The following KRIT1 variants were observed in gnomAD, a reference collection of about 807,000 sequenced individuals.
KRIT1 encodes the protein krev interaction trapped protein 1.
Under a neutral mutation model 95.8 loss-of-function variants are expected in KRIT1, and 45 were observed. The ratio of observed to expected loss-of-function variants is 0.47; its 90% CI spans 0.37 to 0.60. The LOEUF (loss-of-function observed/expected upper bound fraction) is 0.60, where lower values mean the gene tolerates loss of function less well. Ranked by LOEUF, KRIT1 falls within the 20% of genes least tolerant of loss-of-function variation. The pLI is 0.00. For missense variants in KRIT1, 788 were observed against 877.5 expected (o/e 0.90, Z 1.29); for synonymous variants, 282 against 278.8 (o/e 1.01, Z -0.11).
chr7:92,226,808 A>G, intron 10 of KRIT1, 126 bp from the exon 11 acceptor site: 1 of 802,954 alleles, frequency 1.2e-6, no homozygotes, highest in Non-Finnish European at 2.0e-6. Context: ...ATTTTCTAGG[A>G]CAGAGAGCAA....
intron 17 of KRIT1, among the ~76,000 whole-genome samples, chr7:92,208,046 CA>C (rs1183059326): frequency 4.0e-5 from 6 of 151,892 alleles, no homozygotes; most frequent in African/African-American, 1.5e-4. Flanking sequence ...AAATCAGTAA[CA>C]AAAGAAATTT....
intron 4 of KRIT1, 30 bp from the exon 5 acceptor site, chr7:92,241,182 T>C (rs1453218045): frequency 1.3e-6 from 2 of 1,536,446 alleles, no homozygotes. Context: ...AAGAGAAAGC[T>C]TAAAATAAAG....
chr7:92,232,883 C>T (rs913562024), intron 10 of KRIT1, among the ~76,000 whole-genome samples: 1 of 152,056 alleles, frequency 6.6e-6, no homozygotes, highest in African/African-American at 2.4e-5. Flanking sequence ...TTAATAGAGA[C>T]GGGATTTCAT....
At position 92,237,727 on chromosome 7, in the gene KRIT1, G is replaced by A. The variant is rs1258679868; in HGVS notation, c.295C>T (p.Leu99=). The A allele has an allele frequency of 1.9e-6, 3 of 1,607,598 alleles. No homozygotes were observed. The highest frequency in any genetic ancestry group is 2.6e-6 in the Non-Finnish European group (3 of 1,174,538). ...KRVVLMKKFP[L]DGEKMGREAS... is the part of the protein sequence containing the mutation. ...TCTCTGCCCATCTTCTCTCCATCCAGAGGAAATTTTTTCATTAGTACAACT... is the reference window on the plus strand; with the variant it reads ...TCTCTGCCCATCTTCTCTCCATCCAAAGGAAATTTTTTCATTAGTACAACT... Residue 99 remains leucine (L), a synonymous_variant, in exon 6 of 19, where the codon CTG becomes TTG. Coordinates refer to ENST00000394505, the MANE Select transcript of KRIT1 (RefSeq NM_194454.3).
In KRIT1 at chr7:92,235,656, TAAAA is replaced by T. The variant is rs751635299; in HGVS notation, c.486-14_486-11del. 6.2e-7 allele frequency: 1 copy of T among 1,613,214 alleles called. No homozygotes were observed. Among genetic ancestry groups the T allele is most frequent in the Non-Finnish European group, 8.5e-7 (1 of 1,179,676 alleles). On this transcript the variant is annotated splice_polypyrimidine_tract_variant and intron_variant, in intron 7 of 18. Coordinates refer to ENST00000394505, the MANE Select transcript of KRIT1 (RefSeq NM_194454.3). The stretch of plus-strand genomic sequence containing the variant: ...ACGTTCATCTAACCACCTGGCAAAA[TAAAA>T]AAACAGGTAGAAGTAGCCATTCGAA...
At chr7:92,223,183 A>G (rs1367993006) in intron 12 of KRIT1, among the ~76,000 whole-genome samples, 1 of 150,950 alleles carries the variant, frequency 6.6e-6, no homozygotes, top group Non-Finnish European at 1.5e-5. Flanking sequence ...TAATCCCAAC[A>G]CTTTGGGAGG....
intron 1 of KRIT1, 81 bp from the exon 2 acceptor site, chr7:92,245,252 C>T (rs1800639360): frequency 6.6e-6 from 1 of 152,148 alleles, no homozygotes; most frequent in South Asian, 2.1e-4. Flanking sequence ...CTGTGAATCC[C>T]TTTCCCTGCA....
At chr7:92,229,475 G>T (rs1796855447) in intron 10 of KRIT1, among the ~76,000 whole-genome samples, 1 of 151,876 alleles carries the variant, frequency 6.6e-6, no homozygotes, top group South Asian at 2.1e-4. Flanking sequence ...TTAAAAAGTG[G>T]GTAAAATACA....
intron 14 of KRIT1, among the ~76,000 whole-genome samples, 180 bp from the exon 15 acceptor site, chr7:92,214,957 G>A (rs1470483096): frequency 3.3e-5 from 5 of 152,154 alleles, no homozygotes; most frequent in Admixed American, 2.6e-4. Context: ...AGTTTTGTAA[G>A]CTATATAATC....
intron 14 of KRIT1, among the ~76,000 whole-genome samples, chr7:92,218,599 CA>C (rs997270790): frequency 6.6e-6 from 1 of 151,998 alleles, no homozygotes; most frequent in African/African-American, 2.4e-5. Context: ...AGGCATGTCT[CA>C]AATTCCTGGG....
chr7:92,216,942 T>C (rs564646779), intron 14 of KRIT1, among the ~76,000 whole-genome samples: 19 of 152,194 alleles, frequency 1.2e-4, no homozygotes, highest in Non-Finnish European at 7.4e-5. Context: ...CCTAAAAGGA[T>C]GATGCTAAAC....
In KRIT1 at chr7:92,243,780, T is replaced by A. The variant is rs977031331; in HGVS notation, c.-3+222A>T. ...GTACAAAAATTTTAAATAAAATAATTTAAATACTTTTCAAATTTATTTTAA... is the reference window on the plus strand; with the variant it reads ...GTACAAAAATTTTAAATAAAATAATATAAATACTTTTCAAATTTATTTTAA... On this transcript the variant is annotated intron_variant, in intron 3 of 18. Transcript: ENST00000394505. 3.4e-4 allele frequency among the ~76,000 whole-genome samples: 52 copies of A among 152,142 alleles called. 1 individual carries two copies. Among genetic ancestry groups the A allele is most frequent in the African/African-American group, 1.2e-3 (51 of 41,540 alleles).
intron 10 of KRIT1, among the ~76,000 whole-genome samples, chr7:92,229,535 G>GA (rs1180369869): frequency 6.6e-6 from 1 of 152,016 alleles, no homozygotes; most frequent in Admixed American, 6.6e-5. Flanking sequence ...AGAGACATAT[G>GA]AAAAAAAGCT....
At chr7:92,232,342 G>A (rs1034575) in intron 10 of KRIT1, among the ~76,000 whole-genome samples, 17,348 of 151,970 alleles carry the variant, frequency 0.11, 1,136 homozygotes, top group East Asian at 0.36. Context: ...AGCCCATCTC[G>A]TATAGATAAA....
chr7:92,243,940 T>C lies in KRIT1; in HGVS notation c.-3+62A>G, dbSNP rs1000513814. 1.6e-4 allele frequency: 25 copies of C among 152,272 alleles called. No homozygotes were observed. In the East Asian group the frequency reaches 2.9e-3, roughly 18 times the overall value. 9.4% of individuals were successfully genotyped at this position (152,272 alleles called of 1,614,324 possible). A position where few individuals can be genotyped will look rare whatever the true frequency, so the allele number is the denominator to read the frequency against. On this transcript the variant is annotated intron_variant, in intron 3 of 18. Coordinates refer to ENST00000394505, the MANE Select transcript of KRIT1 (RefSeq NM_194454.3). ...TGAGGACGTTATCATTCTTTATCAT[T>C]ATATACTTCATGAAATTTTTTTCAG...
chr7:92,232,147 C>G (rs1022773922), intron 10 of KRIT1, among the ~76,000 whole-genome samples: 1 of 152,134 alleles, frequency 6.6e-6, no homozygotes, highest in Non-Finnish European at 1.5e-5. Flanking sequence ...AGGCTGGTCT[C>G]AAACTCCTGA....
intron 17 of KRIT1, chr7:92,206,180 G>C (rs922997275): frequency 6.5e-6 from 1 of 152,878 alleles, no homozygotes; most frequent in Non-Finnish European, 1.5e-5. Flanking sequence ...CTAGCACGCT[G>C]CTGCCATTGC....
At chr7:92,233,773 T>TA (rs755297252) in intron 10 of KRIT1, among the ~76,000 whole-genome samples, 3 of 152,130 alleles carry the variant, frequency 2.0e-5, no homozygotes, top group Non-Finnish European at 4.4e-5. Flanking sequence ...CCCACAGAAA[T>TA]AATGTAAAAA....
chr7:92,235,943 GT>G (rs1798361908), intron 7 of KRIT1: 1 of 268,512 alleles, frequency 3.7e-6, no homozygotes, highest in South Asian at 4.9e-5. Context: ...ATTAATAAAA[GT>G]TTTGTTAATG....
Sources: gnomAD v4.1 joint callset for allele counts (sites outside exome capture counted in the v4.1 genomes callset) on GRCh38, gnomAD v4.1.1 for gene constraint, MANE v1.5 for transcripts, NCBI Gene and HGNC (gene_info 2026-07-23, HGNC 2026-07-21) for gene names.